CEP85L: variants seen among roughly 807,000 people sequenced by gnomAD.
CEP85L encodes the protein centrosomal protein of 85 kDa-like.
CEP85L carries 60 observed loss-of-function variants against 100.3 expected under a neutral mutation model. That is an observed-to-expected ratio of 0.60 (90% confidence interval 0.49 to 0.74). The LOEUF (loss-of-function observed/expected upper bound fraction) is 0.74. CEP85L is among the 30% of genes least tolerant of loss of function. CEP85L has a pLI of 0.00. For missense variants in CEP85L, 973 were observed against 936.2 expected (o/e 1.04, Z -0.51); for synonymous variants, 319 against 322.7 (o/e 0.99, Z 0.12).
chr6:118,614,438 AT>A (rs1175910813), intron 2 of CEP85L, among the ~76,000 whole-genome samples: 8 of 152,372 alleles, frequency 5.3e-5, no homozygotes, highest in African/African-American at 1.9e-4. Flanking sequence ...AAAACTCCTT[AT>A]TTATAGACAA....
At chr6:118,649,507 T>A (rs1265688858) in intron 1 of CEP85L, among the ~76,000 whole-genome samples, 1 of 152,208 alleles carries the variant, frequency 6.6e-6, no homozygotes. Context: ...GTGATATACC[T>A]CCAAACAAGC....
chr6:118,600,699 T>C (rs1282163242), intron 2 of CEP85L, among the ~76,000 whole-genome samples: 2 of 151,756 alleles, frequency 1.3e-5, no homozygotes, highest in African/African-American at 2.4e-5. Context: ...TGGCTGAAAA[T>C]TCAGCCCCTT....
At chr6:118,503,010 A>T in intron 5 of CEP85L, 1 of 240,990 alleles carries the variant, frequency 4.1e-6, no homozygotes, top group Non-Finnish European at 8.3e-6. Context: ...CAAGATATCA[A>T]ATATTTGTAA....
intron 2 of CEP85L, among the ~76,000 whole-genome samples, chr6:118,579,220 A>G (rs1780422102): frequency 6.6e-6 from 1 of 152,140 alleles, no homozygotes; most frequent in Non-Finnish European, 1.5e-5. Flanking sequence ...AAAAATCAAA[A>G]AACAAAAAAA....
chr6:118,598,840 C>T (rs975126604), intron 2 of CEP85L, among the ~76,000 whole-genome samples: 1 of 152,148 alleles, frequency 6.6e-6, no homozygotes, highest in East Asian at 1.9e-4. Flanking sequence ...GCTTTATACA[C>T]ATATACTGGG....
At chr6:118,501,809 TGAGA>T (rs35783390) in intron 5 of CEP85L, 60,324 of 977,930 alleles carry the variant, frequency 0.062, no homozygotes, top group South Asian at 0.069. Flanking sequence ...GGCTGCTGGC[TGAGA>T]GAGAGAGAGA....
At chr6:118,497,382 G>A (rs1371145256) in intron 5 of CEP85L, among the ~76,000 whole-genome samples, 1 of 152,140 alleles carries the variant, frequency 6.6e-6, no homozygotes, top group Non-Finnish European at 1.5e-5. Flanking sequence ...AACTTTGGGT[G>A]TCACTGACTC....
chr6:118,561,076 T>C (rs1779196227), intron 3 of CEP85L, among the ~76,000 whole-genome samples: 1 of 152,198 alleles, frequency 6.6e-6, no homozygotes, highest in Non-Finnish European at 1.5e-5. Context: ...TTAAATTTTC[T>C]GAACCCATGA....
At chr6:118,558,804 T>C (rs1159910907) in intron 3 of CEP85L, 4 of 742,916 alleles carry the variant, frequency 5.4e-6, no homozygotes, top group Admixed American at 4.0e-5. Context: ...TTCTAATCCA[T>C]TTATTATTTT....
At chr6:118,618,645 C>T (rs1274407068) in intron 2 of CEP85L, among the ~76,000 whole-genome samples, 1 of 152,132 alleles carries the variant, frequency 6.6e-6, no homozygotes, top group African/African-American at 2.4e-5. Context: ...TCAATTGAGA[C>T]ACGGGATACT....
chr6:118,646,351 T>C (rs1775189516), intron 1 of CEP85L, among the ~76,000 whole-genome samples: 1 of 152,030 alleles, frequency 6.6e-6, no homozygotes, highest in Non-Finnish European at 1.5e-5. Context: ...CTGATAGTAA[T>C]AATAATAATG....
intron 1 of CEP85L, among the ~76,000 whole-genome samples, chr6:118,675,423 G>A (rs980857209): frequency 6.6e-6 from 1 of 151,942 alleles, no homozygotes; most frequent in Non-Finnish European, 1.5e-5. Context: ...TAATGTTGAT[G>A]GTTGCACAAC....
chr6:118,485,519 T>C (rs1253751297), intron 6 of CEP85L, among the ~76,000 whole-genome samples: 2 of 152,230 alleles, frequency 1.3e-5, no homozygotes, highest in Non-Finnish European at 2.9e-5. Context: ...TTATTGGGGC[T>C]TTCTTAGGAT....
intron 3 of CEP85L, among the ~76,000 whole-genome samples, chr6:118,553,531 T>C (rs1278162578): frequency 6.6e-6 from 1 of 152,216 alleles, no homozygotes; most frequent in Non-Finnish European, 1.5e-5. Context: ...ATTAACATTT[T>C]AGCGTGTAAA....
chr6:118,590,929 C>G (rs942643306), intron 2 of CEP85L, among the ~76,000 whole-genome samples: 1 of 152,122 alleles, frequency 6.6e-6, no homozygotes, highest in Non-Finnish European at 1.5e-5. Flanking sequence ...GGTGTTCCTC[C>G]GGTCATCGGA....
intron 2 of CEP85L, among the ~76,000 whole-genome samples, chr6:118,585,701 A>C (rs1311188182): frequency 6.6e-6 from 1 of 152,234 alleles, no homozygotes; most frequent in African/African-American, 2.4e-5. Context: ...AAACTTATCA[A>C]TGTGCCCAGA....
intron 10 of CEP85L, among the ~76,000 whole-genome samples, chr6:118,475,495 A>G (rs1773297414): frequency 6.6e-6 from 1 of 151,596 alleles, no homozygotes; most frequent in South Asian, 2.1e-4. Context: ...CTGGGACTAT[A>G]GGCGCCCGCC....
At chr6:118,502,845 CT>C in intron 5 of CEP85L, 1 of 617,520 alleles carries the variant, frequency 1.6e-6, no homozygotes, top group Admixed American at 2.2e-5. Flanking sequence ...ATTTCCATTC[CT>C]TCCCCTGTCA....
In CEP85L at chr6:118,478,560, T is replaced by C. The variant is rs12176053; in HGVS notation, c.1914+1311A>G. Among the ~76,000 whole-genome samples, 12 of 152,186 alleles carry C rather than the reference T, an allele frequency of 7.9e-5. No individual in the cohort carries two copies. In the East Asian group the frequency reaches 1.5e-3, roughly 20 times the overall value. On this transcript the variant is annotated intron_variant, in intron 10 of 12. Transcript: ENST00000368491. ...AAAAAGAAAAGAAAACCAAAAAAGA[T>C]AGCCATTGTTTCAAAAGACAACAGA...
Sources: allele counts gnomAD v4.1 joint callset (sites outside exome capture counted in the v4.1 genomes callset), GRCh38; gene constraint gnomAD v4.1.1; transcripts MANE v1.5; gene names NCBI Gene and HGNC (gene_info 2026-07-23, HGNC 2026-07-21).